DSC2: variants seen among roughly 807,000 people sequenced by gnomAD.
DSC2 encodes the protein desmocollin-2.
In DSC2, 51 loss-of-function variants were observed where a neutral mutation model predicts 87.6. The ratio of observed to expected loss-of-function variants is 0.58; its 90% confidence interval spans 0.46 to 0.74. The LOEUF is 0.74. Ranked by LOEUF, DSC2 falls within the 30% of genes least tolerant of loss-of-function variation. The pLI, the probability that DSC2 is intolerant of heterozygous loss-of-function variation, is 0.00. For synonymous variants in DSC2, 383 were observed against 393.2 expected (o/e 0.97, Z 0.31); for missense variants, 1,066 against 1,089.5 (o/e 0.98, Z 0.30).
intron 5 of DSC2, 79 bp from the exon 6 acceptor site, chr18:31,087,892 A>C (rs1987459503): frequency 1.6e-5 from 24 of 1,468,708 alleles, no homozygotes; most frequent in Non-Finnish European, 2.2e-5. Flanking sequence ...TTTTGGCTTT[A>C]ACTTGGAGAC....
chr18:31,080,036 A>T, intron 10 of DSC2, 47 bp from the exon 11 acceptor site: 2 of 1,610,348 alleles, frequency 1.2e-6, no homozygotes, highest in African/African-American at 2.7e-5. Context: ...CATATGCTAA[A>T]TTATAATAAC....
At chr18:31,089,391 G>A (rs1427835300) in intron 5 of DSC2, 48 bp downstream of exon 5, 10 of 1,607,716 alleles carry the variant, frequency 6.2e-6, no homozygotes, top group Non-Finnish European at 8.5e-6. Context: ...GAGACAAAAT[G>A]GCCAAGCATC....
chr18:31,095,666 T>C (rs890315719), intron 1 of DSC2, among the ~76,000 whole-genome samples: 9 of 152,172 alleles, frequency 5.9e-5, no homozygotes. Flanking sequence ...AAATATTTAC[T>C]GAATGTGTAT....
At position 31,087,702 on chromosome 18, in the gene DSC2, A is replaced by G. The variant is rs1462794549; in HGVS notation, c.742T>C (p.Tyr248His). 1 of 1,613,334 alleles carries G rather than the reference A, an allele frequency of 6.2e-7. No individual in the cohort carries two copies. The highest frequency in any genetic ancestry group is 2.2e-5 in the East Asian group (1 of 44,844). ...CAATTTTCAAAAATTGTAAAAGTAT[A>G]AGTTTCTTCTGTAAAAATTGGGTAG... ...DNYPIFTEET[Y>H]TFTIFENCRV... The change falls in exon 6 of 16, where the codon TAT (tyrosine) becomes CAT (histidine). Residue 248 changes from tyrosine (Y) to histidine (H), a missense_variant. Transcript: ENST00000280904.
In DSC2 at chr18:31,074,878, T is replaced by C. The variant is rs780712159; in HGVS notation, c.1693A>G (p.Ile565Val). ...TTATCATTCACGTCTTGAAGTATAA[T>C]GCCCAGTGTCCCCGTACATGTTCTC... is the stretch of plus-strand genomic sequence containing the variant. The part of the protein sequence containing the change: ...GGRTCTGTLG[I>V]ILQDVNDNSP... The change falls in exon 12 of 16, where the codon ATT becomes GTT. Residue 565 changes from isoleucine to valine, a missense_variant. Transcript: ENST00000280904. 3.7e-5 allele frequency: 60 copies of C among 1,613,776 alleles called. No individual in the cohort carries two copies. The highest frequency in any genetic ancestry group is 4.8e-5 in the Non-Finnish European group (57 of 1,179,928).
chr18:31,082,831 T>C, intron 8 of DSC2, 95 bp downstream of exon 8: 1 of 1,420,634 alleles, frequency 7.0e-7, no homozygotes, highest in Non-Finnish European at 9.8e-7. Flanking sequence ...GTGCTGAGAT[T>C]ACAGGCGTGA....
At chr18:31,088,983 G>A (rs1279491979) in intron 5 of DSC2, among the ~76,000 whole-genome samples, 1 of 151,984 alleles carries the variant, frequency 6.6e-6, no homozygotes, top group African/African-American at 2.4e-5. Flanking sequence ...GGCCAACATG[G>A]TGAAACCCCA....
At chr18:31,100,666 G>A (rs1987911589) in intron 1 of DSC2, among the ~76,000 whole-genome samples, 1 of 152,196 alleles carries the variant, frequency 6.6e-6, no homozygotes, top group African/African-American at 2.4e-5. Context: ...ACTCTACTGC[G>A]AAGTGAGAGC....
chr18:31,079,934 A>C lies in DSC2; in HGVS notation c.1576T>G (p.Ser526Ala), dbSNP rs794728070. Residue 526 changes from serine (S) to alanine (A), a missense_variant, in exon 11 of 16, where the codon TCA becomes GCA. Transcript: ENST00000280904. ...TCCAGGCTTCTGAAAACTTTGATTG[A>C]TCCTGTATTTTCATCAATGGTGACC... ...GWVTIDENTG[S>A]IKVFRSLDRE... The C allele has an allele frequency of 6.2e-7, 1 of 1,613,838 alleles. No homozygotes were observed. Among genetic ancestry groups the C allele is most frequent in the Non-Finnish European group, 8.5e-7 (1 of 1,179,930 alleles).
chr18:31,073,950 T>A (rs1598575080), intron 12 of DSC2, among the ~76,000 whole-genome samples: 1 of 152,210 alleles, frequency 6.6e-6, no homozygotes, highest in East Asian at 1.9e-4. Context: ...GACACTGTGG[T>A]GTATATCTGA....
chr18:31,087,961 T>G lies in DSC2; in HGVS notation c.631-148A>C. ...TTATTGTTCTGGGATATGGATATAA[T>G]TTTAATGCCAAAGAGGTGCCTAATT... On this transcript the variant is annotated intron_variant, in intron 5 of 15. Coordinates refer to ENST00000280904, the MANE Select transcript of DSC2 (RefSeq NM_024422.6). 5.0e-6 allele frequency: 4 copies of G among 799,972 alleles called. No individual in the cohort carries two copies. In the East Asian group the frequency reaches 1.1e-4, roughly 21 times the overall value. The allele number at this position is 799,972 out of a possible 1,614,324, so 49.6% of individuals were successfully genotyped here. A position where few individuals can be genotyped will look rare whatever the true frequency, so the allele number is the denominator to read the frequency against.
At position 31,059,261 on chromosome 18, in the gene DSC2, T is replaced by C. The variant is rs1257422207; in HGVS notation, c.*8754A>G. The C allele has an allele frequency of 2.0e-5, 3 of 152,244 alleles. No individual in the cohort carries two copies. In the East Asian group the frequency reaches 5.8e-4, roughly 29 times the overall value. 9.4% of individuals were successfully genotyped at this position (152,244 alleles called of 1,614,324 possible). On this transcript the variant is annotated 3_prime_UTR_variant, in exon 16 of 16. Coordinates refer to ENST00000280904, the MANE Select transcript of DSC2 (RefSeq NM_024422.6). ...AATTGGTTTAAACTTGCATTCATTATGCAAACTTTGCTTGAAATATTTCAT... is the reference window on the plus strand; with the variant it reads ...AATTGGTTTAAACTTGCATTCATTACGCAAACTTTGCTTGAAATATTTCAT...
intron 1 of DSC2, chr18:31,101,347 C>G (rs1212364425): frequency 1.2e-6 from 1 of 869,334 alleles, no homozygotes; most frequent in African/African-American, 1.8e-5. Context: ...CCTTTTTCAC[C>G]CAAGGACACT....
intron 11 of DSC2, among the ~76,000 whole-genome samples, chr18:31,077,644 T>C (rs1987067806): frequency 1.3e-5 from 2 of 152,218 alleles, no homozygotes; most frequent in African/African-American, 4.8e-5. Flanking sequence ...TTATACATAC[T>C]GTTTTATTCA....
At chr18:31,100,869 G>T (rs1166186982) in intron 1 of DSC2, among the ~76,000 whole-genome samples, 1 of 152,008 alleles carries the variant, frequency 6.6e-6, no homozygotes, top group African/African-American at 2.4e-5. Context: ...AGTCCAATCG[G>T]ACTTTTTATA....
rs1230301796 is a variant in DSC2, at chr18:31,066,860, T to C, written c.*1155A>G. On this transcript the variant is annotated 3_prime_UTR_variant, in exon 16 of 16. Coordinates refer to ENST00000280904, the MANE Select transcript of DSC2 (RefSeq NM_024422.6). The stretch of plus-strand genomic sequence containing the variant: ...CAGGGAGCCTTCAAGATCCCTATAT[T>C]TTAAAGCTTATTTCAAAAACCATCA... 6.6e-6 allele frequency: 1 copy of C among 152,104 alleles called. No individual in the cohort carries two copies. Among genetic ancestry groups the C allele is most frequent in the East Asian group, 1.9e-4 (1 of 5,198 alleles). The allele number at this position is 152,104 out of a possible 1,614,324, so 9.4% of individuals were successfully genotyped here. A position where few individuals can be genotyped will look rare whatever the true frequency, so the allele number is the denominator to read the frequency against.
In DSC2 at chr18:31,071,677, T is replaced by G; in HGVS notation, c.2053A>C (p.Ile685Leu). 6.3e-7 allele frequency: 1 copy of G among 1,577,490 alleles called. No individual in the cohort carries two copies. The highest frequency in any genetic ancestry group is 1.5e-5 in the African/African-American group (1 of 64,974). ...CCAAGTTGTACTCCTCCACCGCCAA[T>G]CCTTGGATCTACACGATGTGTGCAG... ...NDCTHRVDPR[I>L]GGGGVQLGKW... The change falls in exon 13 of 16, where the codon ATT becomes CTT. Residue 685 changes from isoleucine to leucine, a missense_variant. Transcript: ENST00000280904.
intron 14 of DSC2, among the ~76,000 whole-genome samples, chr18:31,070,070 A>G (rs1311096421): frequency 6.6e-6 from 1 of 152,176 alleles, no homozygotes; most frequent in Non-Finnish European, 1.5e-5. Context: ...GCATTTTTGG[A>G]AACTCTAATA....
At chr18:31,079,795 A>C in intron 11 of DSC2, 52 bp downstream of exon 11, 1 of 1,606,530 alleles carries the variant, frequency 6.2e-7, no homozygotes, top group Non-Finnish European at 8.5e-7. Flanking sequence ...TTAAACACTG[A>C]AGATGTATGT....
Sources: allele counts gnomAD v4.1 joint callset (sites outside exome capture counted in the v4.1 genomes callset), GRCh38; gene constraint gnomAD v4.1.1; transcripts MANE v1.5; gene names NCBI Gene and HGNC (gene_info 2026-07-23, HGNC 2026-07-21).